The following SPOCK3 variants were observed in gnomAD, a reference collection of about 807,000 sequenced individuals.
SPOCK3 encodes the protein SPARC (osteonectin), cwcv and kazal like domains proteoglycan 3, also known as testican-3.
In SPOCK3, 30 loss-of-function variants were observed where a neutral mutation model predicts 56.6. The ratio of observed to expected loss-of-function variants is 0.53; its 90% CI spans 0.40 to 0.72. The LOEUF is 0.72. Among genes scored for constraint, SPOCK3 ranks in the 30% least tolerant of loss-of-function variants. The probability of loss-of-function intolerance (pLI) is 0.00; values close to 1 mark genes in which losing one functional copy is unlikely to be tolerated. For synonymous variants in SPOCK3, 196 were observed against 183.3 expected (o/e 1.07, Z -0.56); for missense variants, 527 against 530.0 (o/e 0.99, Z 0.06).
chr4:166,915,430 A>C (rs1032278193), intron 4 of SPOCK3, among the ~76,000 whole-genome samples: 2 of 152,194 alleles, frequency 1.3e-5, no homozygotes, highest in Non-Finnish European at 2.9e-5. Flanking sequence ...TTTTGTTCTT[A>C]GAAAAATTAG....
At chr4:167,114,569 T>C (rs545090153) in intron 2 of SPOCK3, among the ~76,000 whole-genome samples, 11 of 152,268 alleles carry the variant, frequency 7.2e-5, no homozygotes, top group Admixed American at 6.5e-4. Context: ...GAATCCAGTA[T>C]GGAGGAGTGA....
intron 3 of SPOCK3, among the ~76,000 whole-genome samples, chr4:167,012,011 A>G (rs936595571): frequency 1.3e-5 from 2 of 152,002 alleles, no homozygotes; most frequent in African/African-American, 4.8e-5. Context: ...AATACAGTTT[A>G]TTTCACATTT....
intron 2 of SPOCK3, among the ~76,000 whole-genome samples, chr4:167,111,988 G>A (rs1331110465): frequency 6.6e-6 from 1 of 151,956 alleles, no homozygotes; most frequent in African/African-American, 2.4e-5. Flanking sequence ...TTGAACTCCT[G>A]GGCTCAAGCA....
intron 2 of SPOCK3, among the ~76,000 whole-genome samples, chr4:167,118,390 C>T (rs1482856491): frequency 6.6e-6 from 1 of 152,030 alleles, no homozygotes; most frequent in Non-Finnish European, 1.5e-5. Context: ...TCAAAGAATG[C>T]CTACCTCTAA....
intron 2 of SPOCK3, among the ~76,000 whole-genome samples, chr4:167,077,290 C>A (rs1035340576): frequency 2.0e-5 from 3 of 150,592 alleles, no homozygotes; most frequent in Non-Finnish European, 3.0e-5. Flanking sequence ...ACACACACAT[C>A]AAAATTCTTT....
chr4:166,953,812 A>G (rs1188375774), intron 4 of SPOCK3, among the ~76,000 whole-genome samples: 1 of 145,690 alleles, frequency 6.9e-6, no homozygotes, highest in Non-Finnish European at 1.5e-5. Flanking sequence ...GGAAATCATC[A>G]TTCTCAGTAA....
At chr4:167,116,556 GTA>G (rs1391806772) in intron 2 of SPOCK3, among the ~76,000 whole-genome samples, 1 of 106,424 alleles carries the variant, frequency 9.4e-6, no homozygotes, top group Non-Finnish European at 1.9e-5. Context: ...ATATATATGA[GTA>G]TATATACTTT....
intron 2 of SPOCK3, among the ~76,000 whole-genome samples, chr4:167,205,352 AT>A (rs1734049538): frequency 2.9e-3 from 108 of 37,220 alleles, no homozygotes; most frequent in Admixed American, 5.7e-3. Context: ...TATATATATA[AT>A]ATATATATTA....
intron 2 of SPOCK3, among the ~76,000 whole-genome samples, chr4:167,199,894 CAAAT>C (rs140894666): frequency 0.049 from 7,346 of 150,362 alleles, 559 homozygotes; most frequent in African/African-American, 0.17. Context: ...AAAAATTCTA[CAAAT>C]AAATAAAAAA....
chr4:167,128,050 A>T (rs1398813506), intron 2 of SPOCK3, among the ~76,000 whole-genome samples: 1 of 152,072 alleles, frequency 6.6e-6, no homozygotes, highest in Non-Finnish European at 1.5e-5. Flanking sequence ...ATAATTAATT[A>T]CCTCTTTCCT....
At position 167,223,111 on chromosome 4, in the gene SPOCK3, AAT is replaced by A. The variant is rs1230471752; in HGVS notation, c.189+10872_189+10873del. ...ATATATATTTTATATATGAATATATAATATATATTTTATATATGAATATATAT... is the reference window on the plus strand; with the variant it reads ...ATATATATTTTATATATGAATATATAATATATTTTATATATGAATATATAT... On this transcript the variant is annotated intron_variant, in intron 2 of 10. Transcript: ENST00000357545. Among the ~76,000 whole-genome samples, 3 of 84,846 alleles carry A rather than the reference AAT, an allele frequency of 3.5e-5. No homozygotes were observed. In the South Asian group the frequency reaches 8.2e-4, roughly 23 times the overall value. 55.7% of individuals were successfully genotyped at this position (84,846 alleles called of 152,430 possible). A position where few individuals can be genotyped will look rare whatever the true frequency, so the allele number is the denominator to read the frequency against.
chr4:167,205,559 TA>T (rs1734216813), intron 2 of SPOCK3, among the ~76,000 whole-genome samples: 1 of 59,152 alleles, frequency 1.7e-5, no homozygotes, highest in African/African-American at 7.4e-5. Flanking sequence ...TAATATATAA[TA>T]TATATTATAT....
At chr4:167,182,322 C>T (rs1731541602) in intron 2 of SPOCK3, among the ~76,000 whole-genome samples, 2 of 151,506 alleles carry the variant, frequency 1.3e-5, no homozygotes, top group Non-Finnish European at 2.9e-5. Context: ...TAACATGATC[C>T]CCCCCAATCT....
chr4:166,879,250 T>C (rs1487826791), intron 6 of SPOCK3, among the ~76,000 whole-genome samples: 1 of 152,142 alleles, frequency 6.6e-6, no homozygotes, highest in Non-Finnish European at 1.5e-5. Context: ...TAGCCAGGCA[T>C]GATCATGATG....
intron 6 of SPOCK3, among the ~76,000 whole-genome samples, chr4:166,814,593 C>T (rs1384176592): frequency 6.6e-6 from 1 of 152,084 alleles, no homozygotes; most frequent in Non-Finnish European, 1.5e-5. Flanking sequence ...ACATCAGACT[C>T]CAGGTTCTTT....
At chr4:166,790,134 T>C (rs1741177074) in intron 7 of SPOCK3, among the ~76,000 whole-genome samples, 1 of 152,172 alleles carries the variant, frequency 6.6e-6, no homozygotes, top group African/African-American at 2.4e-5. Context: ...ATTTAGTGAA[T>C]AGTATATGTC....
chr4:166,831,709 T>A (rs1746077230), intron 6 of SPOCK3, among the ~76,000 whole-genome samples: 1 of 151,728 alleles, frequency 6.6e-6, no homozygotes, highest in Non-Finnish European at 1.5e-5. Context: ...GGACCTATTT[T>A]TTTTTTTTTC....
In SPOCK3 at chr4:167,095,333, CCAGTAGGATATTGAATAA is replaced by C. The variant is rs536035636; in HGVS notation, c.190-32814_190-32797del. Among the ~76,000 whole-genome samples, 19 of 151,830 alleles carry C rather than the reference CCAGTAGGATATTGAATAA, an allele frequency of 1.3e-4. No homozygotes were observed. In the East Asian group the frequency reaches 3.5e-3, roughly 28 times the overall value. On this transcript the variant is annotated intron_variant, in intron 2 of 10. Transcript: ENST00000357545. ...TATTCTATTATTTTGTCTTATTGTA[CCAGTAGGATATTGAATAA>C]CAGTAATGTCATCAAAGATAATTCT... is the stretch of plus-strand genomic sequence containing the variant.
chr4:166,979,580 C>A (rs1259054505), intron 4 of SPOCK3, among the ~76,000 whole-genome samples: 2 of 152,178 alleles, frequency 1.3e-5, no homozygotes, highest in African/African-American at 2.4e-5. Flanking sequence ...AAACAGCCAA[C>A]AACCACCTTC....
Sources: allele counts gnomAD v4.1 joint callset (sites outside exome capture counted in the v4.1 genomes callset), GRCh38; gene constraint gnomAD v4.1.1; transcripts MANE v1.5; gene names NCBI Gene and HGNC (gene_info 2026-07-23, HGNC 2026-07-21).